Variants in ATG13 observed in about 807,000 individuals in gnomAD.
ATG13 encodes autophagy-related protein 13.
A neutral mutation model predicts 65.5 loss-of-function variants in ATG13; 23 were observed. The observed-to-expected ratio is 0.35, with a 90% CI of 0.25 to 0.50. The LOEUF (loss-of-function observed/expected upper bound fraction) is 0.50. Ranked by LOEUF, ATG13 falls within the 20% of genes least tolerant of loss-of-function variation. ATG13 has a pLI of 0.98. For synonymous variants in ATG13, 252 were observed against 245.2 expected (o/e 1.03, Z -0.26); for missense variants, 566 against 677.0 (o/e 0.84, Z 1.82).
intron 1 of ATG13, 123 bp downstream of exon 1, chr11:46,618,013 C>CT: frequency 2.5e-6 from 1 of 397,492 alleles, no homozygotes; most frequent in Admixed American, 4.4e-5. Flanking sequence ...GTTCAATCCC[C>CT]TGGGCCCCTG....
Position 46,645,866 on chromosome 11 carries a change from C to G in ATG13, c.151-4C>G, listed in dbSNP as rs772737570. The G allele has an allele frequency of 6.8e-6, 11 of 1,613,810 alleles. No homozygotes were observed. The East Asian group carries it at 2.2e-4, about 33-fold the overall frequency. On this transcript the variant is annotated splice_region_variant and splice_polypyrimidine_tract_variant and intron_variant, in intron 4 of 18. Transcript: ENST00000683050. ...TTCATGCAAAAGTCCCTTTTGTTTT[C>G]CAGTTCAACTTAGCAATCAAAGACA...
At chr11:46,637,752 G>A (rs1472324926) in intron 2 of ATG13, among the ~76,000 whole-genome samples, 1 of 152,230 alleles carries the variant, frequency 6.6e-6, no homozygotes, top group Non-Finnish European at 1.5e-5. Flanking sequence ...CTCAGAAGCG[G>A]ACAGAGGAGT....
Position 46,672,240 on chromosome 11 carries a change from C to G in ATG13, c.1576-15C>G, listed in dbSNP as rs776134371. 5.0e-6 allele frequency: 8 copies of G among 1,613,970 alleles called. No individual in the cohort carries two copies. The highest frequency in any genetic ancestry group is 4.0e-5 in the African/African-American group (3 of 74,948). ...CTGCCTGAATAAACGGCTCTTCCCT[C>G]TCTTTCCGGTACAGGACTCATTACC... is the stretch of plus-strand genomic sequence containing the variant. On this transcript the variant is annotated splice_polypyrimidine_tract_variant and intron_variant, in intron 18 of 18. Coordinates refer to ENST00000683050, the MANE Select transcript of ATG13 (RefSeq NM_001346311.2).
intron 7 of ATG13, 107 bp from the exon 8 acceptor site, chr11:46,656,126 A>G (rs1565560257): frequency 6.6e-6 from 6 of 913,722 alleles, no homozygotes; most frequent in Middle Eastern, 4.6e-4. Flanking sequence ...GTATTTGAGC[A>G]GATGAGTAAG....
chr11:46,668,958 A>G, intron 17 of ATG13, 48 bp downstream of exon 17: 1 of 1,426,272 alleles, frequency 7.0e-7, no homozygotes. Flanking sequence ...GGGGAACTAG[A>G]CCTAGAAGCA....
At chr11:46,657,262 A>T in intron 9 of ATG13, 71 bp downstream of exon 9, 1 of 1,368,632 alleles carries the variant, frequency 7.3e-7, no homozygotes, top group South Asian at 1.2e-5. Context: ...CTAAACTTTA[A>T]GACTAAACCT....
intron 18 of ATG13, 76 bp downstream of exon 18, chr11:46,669,608 A>G (rs994117364): frequency 2.0e-6 from 3 of 1,499,298 alleles, no homozygotes; most frequent in Middle Eastern, 2.0e-4. Flanking sequence ...TAGGAGGCCT[A>G]CCACCTTCTA....
intron 17 of ATG13, 103 bp from the exon 18 acceptor site, chr11:46,669,301 C>G (rs1286834632): frequency 7.8e-6 from 11 of 1,404,298 alleles, no homozygotes; most frequent in Non-Finnish European, 1.1e-5. Flanking sequence ...CTAAGATAAG[C>G]CTGAAAGAAC....
At chr11:46,661,238 C>T (rs1411100435) in intron 11 of ATG13, among the ~76,000 whole-genome samples, 3 of 152,130 alleles carry the variant, frequency 2.0e-5, no homozygotes, top group Non-Finnish European at 4.4e-5. Flanking sequence ...CATAGTTCTG[C>T]CGGGCGCAGT....
intron 11 of ATG13, among the ~76,000 whole-genome samples, chr11:46,661,019 TTTTTG>T (rs930114872): frequency 3.3e-5 from 5 of 151,706 alleles, no homozygotes; most frequent in South Asian, 2.1e-4. Context: ...CCTTCTGTGT[TTTTTG>T]TTTTGTTTTG....
rs554420091 is a variant in ATG13, at chr11:46,672,406, C to T, written c.*74C>T. 8.7e-6 allele frequency: 14 copies of T among 1,610,120 alleles called. No individual in the cohort carries two copies. Among genetic ancestry groups the T allele is most frequent in the African/African-American group, 1.3e-5 (1 of 74,906 alleles). On this transcript the variant is annotated 3_prime_UTR_variant, in exon 19 of 19. Transcript: ENST00000683050. ...TAAGCAGCCTCCCATGCATCAGCTG[C>T]TCCCACCCCTCATCCTGCTCTGAGC... is the stretch of plus-strand genomic sequence containing the variant.
chr11:46,656,526 T>C (rs891228127), intron 8 of ATG13: 4 of 339,106 alleles, frequency 1.2e-5, no homozygotes, highest in African/African-American at 8.4e-5. Flanking sequence ...TTTCCTAATT[T>C]TCTACAGTGA....
At chr11:46,668,938 T>C (rs2063056185) in intron 17 of ATG13, 28 bp downstream of exon 17, 1 of 1,558,838 alleles carries the variant, frequency 6.4e-7, no homozygotes, top group Non-Finnish European at 8.8e-7. Context: ...TCCTTGACCT[T>C]TGCTGTCCCG....
In ATG13 at chr11:46,662,887, A is replaced by G. The variant is rs1455142837; in HGVS notation, c.790-1110A>G. On this transcript the variant is annotated intron_variant, in intron 11 of 18. Transcript: ENST00000683050. ...AAGGATCGTTGTGCCATTTGGGCAC[A>G]GAGTTGAGTCTAGAAATGAACCTAC... 2.6e-5 allele frequency among the ~76,000 whole-genome samples: 4 copies of G among 152,308 alleles called. No individual in the cohort carries two copies. In the South Asian group the frequency reaches 6.2e-4, roughly 24 times the overall value.
intron 7 of ATG13, among the ~76,000 whole-genome samples, chr11:46,655,128 A>G (rs901340263): frequency 3.4e-5 from 5 of 146,964 alleles, no homozygotes; most frequent in African/African-American, 1.3e-4. Context: ...GTCCGGGCGC[A>G]GTGGCTCACG....
At position 46,672,624 on chromosome 11, in the gene ATG13, A is replaced by G. The variant is rs577338002; in HGVS notation, c.*292A>G. 5.3e-5 allele frequency: 74 copies of G among 1,406,710 alleles called. No individual in the cohort carries two copies. Among genetic ancestry groups the G allele is most frequent in the Non-Finnish European group, 6.7e-5 (71 of 1,060,572 alleles). 87.1% of individuals were successfully genotyped at this position (1,406,710 alleles called of 1,614,324 possible). A position where few individuals can be genotyped will look rare whatever the true frequency, so the allele number is the denominator to read the frequency against. ...CATCTGTGTGCCCTGCCCATCACCA[A>G]CTGCTTCCCAAGGGTGTCATCCTGT... is the stretch of plus-strand genomic sequence containing the variant. On this transcript the variant is annotated 3_prime_UTR_variant, in exon 19 of 19. Transcript: ENST00000683050.
chr11:46,651,046 G>T (rs780281568), intron 7 of ATG13, among the ~76,000 whole-genome samples: 3 of 152,164 alleles, frequency 2.0e-5, no homozygotes, highest in Non-Finnish European at 2.9e-5. Context: ...TAAAGAATGG[G>T]TCAACAGAGT....
chr11:46,670,504 A>G (rs899430173), intron 18 of ATG13, among the ~76,000 whole-genome samples: 9 of 147,008 alleles, frequency 6.1e-5, no homozygotes, highest in Admixed American at 2.0e-4. Context: ...AAAAGTAATA[A>G]TTACTACTAC....
rs747544098 is a variant in ATG13 at position 46,665,426 on chromosome 11, A to G, written c.1043A>G (p.Asn348Ser). The G allele has an allele frequency of 2.2e-5, 35 of 1,613,972 alleles. No individual in the cohort carries two copies. Among genetic ancestry groups the G allele is most frequent in the South Asian group, 4.4e-5 (4 of 91,086 alleles). Residue 348 changes from asparagine to serine, a missense_variant, in exon 14 of 19, where the codon AAC becomes AGC. Asn to Ser is a conservative substitution (Grantham distance 46). Transcript: ENST00000683050. The stretch of plus-strand genomic sequence containing the variant: ...GAAGGTGGGGTACCCCTTGCTCCCA[A>G]CCAGCCTGTCCATGGTACCCAGGCT... Reference protein sequence around the residue: ...GKEGGVPLAPNQPVHGTQADQ... With the variant: ...GKEGGVPLAPSQPVHGTQADQ...
Sources: gnomAD v4.1 joint callset for allele counts (sites outside exome capture counted in the v4.1 genomes callset) on GRCh38, gnomAD v4.1.1 for gene constraint, MANE v1.5 for transcripts, NCBI Gene and HGNC (gene_info 2026-07-23, HGNC 2026-07-21) for gene names.